Variants in ITGA11 observed in about 807,000 individuals in gnomAD.
The protein encoded by ITGA11 is integrin alpha-11.
A neutral mutation model predicts 141.9 loss-of-function variants in ITGA11; 97 were observed. That is an observed-to-expected ratio of 0.68 (90% CI 0.58 to 0.81). The LOEUF is 0.81. ITGA11 is among the 30% of genes least tolerant of loss of function. The pLI is 0.00. For synonymous variants in ITGA11, 658 were observed against 624.6 expected (o/e 1.05, Z -0.80); for missense variants, 1,387 against 1,559.2 (o/e 0.89, Z 1.86).
At chr15:68,410,515 C>T (rs1341655503) in intron 1 of ITGA11, among the ~76,000 whole-genome samples, 1 of 151,858 alleles carries the variant, frequency 6.6e-6, no homozygotes, top group Admixed American at 6.5e-5. Flanking sequence ...CAAAGTGAAC[C>T]TCTTGCTGCT....
At chr15:68,382,010 G>A (rs12899284) in intron 2 of ITGA11, among the ~76,000 whole-genome samples, 93,451 of 152,154 alleles carry the variant, frequency 0.61, 31,948 homozygotes, top group South Asian at 0.76. Context: ...CACAGAAGCC[G>A]GCCTTGGGTT....
At chr15:68,402,766 C>A (rs73433950) in intron 2 of ITGA11, among the ~76,000 whole-genome samples, 152 bp downstream of exon 2, 5,701 of 152,288 alleles carry the variant, frequency 0.037, 172 homozygotes, top group African/African-American at 0.084. Flanking sequence ...AGAGCCTGTG[C>A]AGTCTCTGAC....
In ITGA11 at chr15:68,328,135, G is replaced by A; in HGVS notation, c.2029C>T (p.Pro677Ser). ...TGGAAATGGGGTGCCAGGAAGATGG[G>A]CGTGAAGCAGAGGAAGGCGGCCAGG... is the stretch of plus-strand genomic sequence containing the variant. ...TCLAAFLCFTPIFLAPHFQTT... is the reference protein window; with the variant it reads ...TCLAAFLCFTSIFLAPHFQTT... The change falls in exon 16 of 30, where the codon CCC becomes TCC. Residue 677 changes from proline to serine, a missense_variant. Pro to Ser is a moderately conservative substitution (Grantham distance 74). Coordinates refer to ENST00000315757, the MANE Select transcript of ITGA11 (RefSeq NM_001004439.2). This position sits in a 1 kb window ranked among gnomAD's most constrained non-coding sequence, Gnocchi z 4.8. The A allele has an allele frequency of 2.5e-6, 4 of 1,613,904 alleles. No homozygotes were observed. Among genetic ancestry groups the A allele is most frequent in the South Asian group, 1.1e-5 (1 of 91,078 alleles).
In ITGA11 at chr15:68,332,006, T is replaced by C. The variant is rs1894181509; in HGVS notation, c.1623A>G (p.Arg541=). Residue 541 remains arginine, a synonymous_variant, in exon 14 of 30, where the codon CGA becomes CGG. Coordinates refer to ENST00000315757, the MANE Select transcript of ITGA11 (RefSeq NM_001004439.2). ...LKDSHSYQNA[R]FGSSIASVRD... ...GAACTGAGGCAATGGAGGACCCAAA[T>C]CGGGCATTCTGGTAACTGTGTGAAT... 6.2e-7 allele frequency: 1 copy of C among 1,612,072 alleles called. No individual in the cohort carries two copies. The highest frequency in any genetic ancestry group is 8.5e-7 in the Non-Finnish European group (1 of 1,179,150).
In ITGA11 at chr15:68,350,738, A is replaced by C; in HGVS notation, c.939T>G (p.Phe313Leu). 1 of 1,613,888 alleles carries C rather than the reference A, an allele frequency of 6.2e-7. No individual in the cohort carries two copies. The highest frequency in any genetic ancestry group is 8.5e-7 in the Non-Finnish European group (1 of 1,179,852). ...YNRRGINPETFLNEIKYIASD... is the reference protein window; with the variant it reads ...YNRRGINPETLLNEIKYIASD... ...TGGCGATGTATTTGATTTCATTTAG[A>C]AAAGTTTCTGGATTGATCCCCCTGC... The change falls in exon 9 of 30, where the codon TTT becomes TTG. Residue 313 changes from phenylalanine to leucine, a missense_variant. By Grantham distance (22) the Phe-to-Leu change is conservative. Transcript: ENST00000315757.
intron 2 of ITGA11, among the ~76,000 whole-genome samples, chr15:68,383,131 C>A (rs1567151994): frequency 6.6e-6 from 1 of 152,102 alleles, no homozygotes; most frequent in Non-Finnish European, 1.5e-5. Flanking sequence ...ATTAGCCGGG[C>A]GTGGTGGCGG....
intron 9 of ITGA11, 62 bp from the exon 10 acceptor site, chr15:68,348,962 T>G (rs917034370): frequency 7.0e-7 from 1 of 1,424,982 alleles, no homozygotes; most frequent in African/African-American, 1.4e-5. Context: ...CAGACAGATC[T>G]GCTGCCCAAC....
chr15:68,369,272 G>A lies in ITGA11; in HGVS notation c.177C>T (p.Gly59=), dbSNP rs770043922. The A allele has an allele frequency of 1.6e-5, 25 of 1,609,826 alleles. No individual in the cohort carries two copies. Among genetic ancestry groups the A allele is most frequent in the Middle Eastern group, 1.6e-4 (1 of 6,062 alleles). Reference sequence around the variant, plus strand: ...GGTAGCCATTGGTTTCCAGTGGGGCGCCCACGACCAGCCTGGGAAGGAAGA... The same window carrying A: ...GGTAGCCATTGGTTTCCAGTGGGGCACCCACGACCAGCCTGGGAAGGAAGA... ...DISGNKWLVV[G]APLETNGYQK... The change falls in exon 3 of 30, where the codon GGC becomes GGT. Residue 59 remains glycine (G), a synonymous_variant. Coordinates refer to ENST00000315757, the MANE Select transcript of ITGA11 (RefSeq NM_001004439.2).
chr15:68,340,339 T>A (rs1389832431), intron 10 of ITGA11, among the ~76,000 whole-genome samples: 3 of 152,118 alleles, frequency 2.0e-5, no homozygotes, highest in Non-Finnish European at 2.9e-5. Flanking sequence ...GGATGTCATG[T>A]TTACCCGTGT....
intron 2 of ITGA11, among the ~76,000 whole-genome samples, chr15:68,371,343 G>A (rs907442206): frequency 2.0e-5 from 3 of 152,188 alleles, no homozygotes; most frequent in Admixed American, 6.5e-5. Context: ...CGTTCCTCCC[G>A]GGCACTGTTG....
intron 2 of ITGA11, among the ~76,000 whole-genome samples, chr15:68,387,417 C>A (rs1483407503): frequency 6.6e-6 from 1 of 152,134 alleles, no homozygotes; most frequent in Admixed American, 6.5e-5. Context: ...CCAGCACCAC[C>A]TGGGAAGTTC....
intron 3 of ITGA11, among the ~76,000 whole-genome samples, chr15:68,368,909 A>G (rs966328115): frequency 1.5e-5 from 2 of 131,844 alleles, no homozygotes; most frequent in African/African-American, 2.8e-5. Flanking sequence ...GTTGAAGGGC[A>G]GTGGCTGAGT....
intron 28 of ITGA11, among the ~76,000 whole-genome samples, chr15:68,306,184 C>T (rs112552650): frequency 0.34 from 47,149 of 140,006 alleles, 8,237 homozygotes; most frequent in African/African-American, 0.41. Flanking sequence ...AGCAAGACTC[C>T]GTCTCAAAAA....
At chr15:68,409,993 C>G (rs1896737328) in intron 1 of ITGA11, among the ~76,000 whole-genome samples, 1 of 152,238 alleles carries the variant, frequency 6.6e-6, no homozygotes, top group South Asian at 2.1e-4. Context: ...CTTGTCCCCT[C>G]CTACACCTCT....
chr15:68,325,294 G>A lies in ITGA11; in HGVS notation c.2212-53C>T, dbSNP rs904252043. 7 of 1,230,882 alleles carry A rather than the reference G, an allele frequency of 5.7e-6. No individual in the cohort carries two copies. Among genetic ancestry groups the A allele is most frequent in the African/African-American group, 3.0e-5 (2 of 67,730 alleles). The allele number at this position is 1,230,882 out of a possible 1,614,324, so 76.2% of individuals were successfully genotyped here. ...GAGGGAGGAGAGAACGTCATTTTAT[G>A]AGCCAGGACCGTGGATGCTGAGATA... On this transcript the variant is annotated intron_variant, in intron 17 of 29. Transcript: ENST00000315757. The surrounding 1 kb of genome is among the most constrained non-coding windows in gnomAD (Gnocchi z 5.5).
intron 2 of ITGA11, among the ~76,000 whole-genome samples, chr15:68,379,267 G>A (rs1160010736): frequency 6.6e-6 from 1 of 152,190 alleles, no homozygotes; most frequent in Non-Finnish European, 1.5e-5. Flanking sequence ...TCTTCCTCCA[G>A]GAAGCCTTCC....
At chr15:68,410,621 C>G (rs1170687551) in intron 1 of ITGA11, among the ~76,000 whole-genome samples, 1 of 152,210 alleles carries the variant, frequency 6.6e-6, no homozygotes, top group Non-Finnish European at 1.5e-5. Context: ...CCCTTTTGCC[C>G]TGGCGAGCAG....
At chr15:68,403,168 G>C in intron 1 of ITGA11, 139 bp from the exon 2 acceptor site, 1 of 643,904 alleles carries the variant, frequency 1.6e-6, no homozygotes, top group East Asian at 2.7e-5. Context: ...TCCCCATCTT[G>C]GGGAGTCCCT....
At chr15:68,391,488 T>A (rs990742735) in intron 2 of ITGA11, among the ~76,000 whole-genome samples, 2 of 152,212 alleles carry the variant, frequency 1.3e-5, no homozygotes, top group African/African-American at 4.8e-5. Context: ...AGAGTCTGGC[T>A]GGGTTTCTGC....
Sources: allele counts gnomAD v4.1 joint callset (sites outside exome capture counted in the v4.1 genomes callset), GRCh38; gene constraint gnomAD v4.1.1; non-coding constraint Gnocchi (gnomAD v3.1); transcripts MANE v1.5; gene names NCBI Gene and HGNC (gene_info 2026-07-23, HGNC 2026-07-21).